Variants in PICALM observed in about 807,000 individuals in gnomAD.
PICALM encodes phosphatidylinositol binding clathrin assembly protein, also known as phosphatidylinositol-binding clathrin assembly protein.
In PICALM, 40 loss-of-function variants were observed where a neutral mutation model predicts 80.5. That is an observed-to-expected ratio of 0.50 (90% CI 0.39 to 0.65). The LOEUF is 0.65. PICALM is among the 30% of genes least tolerant of loss of function. The pLI is 0.00. For missense variants in PICALM, 676 were observed against 778.9 expected (o/e 0.87, Z 1.57); for synonymous variants, 288 against 260.3 (o/e 1.11, Z -1.02).
intron 3 of PICALM, among the ~76,000 whole-genome samples, chr11:86,025,022 A>C (rs796297295): frequency 1.3e-5 from 2 of 152,332 alleles, no homozygotes; most frequent in African/African-American, 4.8e-5. Context: ...CTAACAGCCT[A>C]GTTACAGAAC....
intron 1 of PICALM, among the ~76,000 whole-genome samples, chr11:86,039,960 C>G (rs769178933): frequency 7.0e-6 from 1 of 143,426 alleles, no homozygotes; most frequent in African/African-American, 2.6e-5. Context: ...GCCGAGATCG[C>G]GCCATTGCAC....
At chr11:86,015,387 G>GT (rs1304370511) in intron 4 of PICALM, among the ~76,000 whole-genome samples, 8 of 152,256 alleles carry the variant, frequency 5.3e-5, no homozygotes, top group Non-Finnish European at 8.8e-5. Context: ...TAGGCCAAGA[G>GT]TTAACAAAGT....
At chr11:85,977,942 A>C (rs1281669014) in intron 17 of PICALM, 4 of 752,390 alleles carry the variant, frequency 5.3e-6, no homozygotes, top group African/African-American at 3.5e-5. Flanking sequence ...GATGCTAGGA[A>C]GAATTTCTGG....
chr11:85,963,221 A>G (rs2093748862), intron 19 of PICALM, among the ~76,000 whole-genome samples: 2 of 152,228 alleles, frequency 1.3e-5, no homozygotes. Context: ...TTTCACATAA[A>G]GCTATTCACA....
At chr11:86,004,340 T>C (rs2095229829) in intron 8 of PICALM, among the ~76,000 whole-genome samples, 2 of 152,312 alleles carry the variant, frequency 1.3e-5, no homozygotes, top group Middle Eastern at 3.4e-3. Flanking sequence ...ATTACGCTTA[T>C]ATTAAGAACC....
At chr11:85,984,703 C>G (rs1031861003) in intron 13 of PICALM, among the ~76,000 whole-genome samples, 1 of 152,088 alleles carries the variant, frequency 6.6e-6, no homozygotes, top group African/African-American at 2.4e-5. Flanking sequence ...ATTAACAGAC[C>G]TTATTCTTTC....
At chr11:86,059,959 T>C (rs1310472382) in intron 1 of PICALM, among the ~76,000 whole-genome samples, 1 of 152,170 alleles carries the variant, frequency 6.6e-6, no homozygotes, top group Non-Finnish European at 1.5e-5. Context: ...TAAATATTAT[T>C]GTTAAGACTT....
intron 1 of PICALM, among the ~76,000 whole-genome samples, chr11:86,042,403 T>C (rs1282350268): frequency 6.6e-6 from 1 of 152,100 alleles, no homozygotes; most frequent in Non-Finnish European, 1.5e-5. Flanking sequence ...AATTAAAAAT[T>C]TTATTTAAAC....
chr11:85,989,979 G>C (rs998941250), intron 13 of PICALM, among the ~76,000 whole-genome samples: 3 of 119,518 alleles, frequency 2.5e-5, no homozygotes, highest in African/African-American at 9.8e-5. Flanking sequence ...CTAGAGTATT[G>C]CACTATAACA....
intron 4 of PICALM, among the ~76,000 whole-genome samples, chr11:86,015,584 T>C (rs1216570772): frequency 2.0e-5 from 3 of 152,228 alleles, no homozygotes; most frequent in Admixed American, 1.3e-4. Flanking sequence ...CTGTTAAATA[T>C]TTCCAAACAG....
At chr11:86,068,590 G>A (rs2096481523) in intron 1 of PICALM, 61 bp downstream of exon 1, 17 of 1,512,912 alleles carry the variant, frequency 1.1e-5, no homozygotes, top group South Asian at 2.4e-5. Context: ...GAGAGAGAGA[G>A]AAGGACGCGC....
At chr11:85,982,036 T>A in intron 14 of PICALM, 33 bp from the exon 15 acceptor site, 2 of 1,603,828 alleles carry the variant, frequency 1.2e-6, no homozygotes, top group Non-Finnish European at 1.7e-6. Flanking sequence ...ATAGAATTTG[T>A]AAGGAACTTT....
In PICALM at chr11:85,974,871, T is replaced by A; in HGVS notation, c.1840-59A>T. ...TCCTATCTTCCTTATTGTGACTAAG[T>A]AAATAACAATGACAACAGGGATGAC... On this transcript the variant is annotated intron_variant, in intron 18 of 19. Coordinates refer to ENST00000393346, the MANE Select transcript of PICALM (RefSeq NM_007166.4). 2 of 1,146,476 alleles carry A rather than the reference T, an allele frequency of 1.7e-6. No homozygotes were observed. Among genetic ancestry groups the A allele is most frequent in the East Asian group, 2.3e-5 (1 of 42,692 alleles). 71.0% of individuals were successfully genotyped at this position (1,146,476 alleles called of 1,614,324 possible).
At chr11:86,033,696 C>A (rs1344222539) in intron 1 of PICALM, among the ~76,000 whole-genome samples, 1 of 152,152 alleles carries the variant, frequency 6.6e-6, no homozygotes, top group Non-Finnish European at 1.5e-5. Context: ...GTCTTTCTCT[C>A]TCAATTAAAA....
intron 2 of PICALM, among the ~76,000 whole-genome samples, chr11:86,026,717 A>T (rs78101049): frequency 0.049 from 7,472 of 152,270 alleles, 297 homozygotes; most frequent in African/African-American, 0.12. Context: ...CTGGTAAACC[A>T]AAGTTTTGGC....
intron 2 of PICALM, among the ~76,000 whole-genome samples, chr11:86,026,931 T>C (rs1429384903): frequency 6.6e-6 from 1 of 152,192 alleles, no homozygotes; most frequent in Non-Finnish European, 1.5e-5. Flanking sequence ...TACGTTACTT[T>C]CACACAGGTT....
intron 12 of PICALM, among the ~76,000 whole-genome samples, chr11:85,992,870 T>C (rs1351909593): frequency 2.0e-5 from 3 of 152,138 alleles, no homozygotes; most frequent in Admixed American, 1.3e-4. Context: ...AGAAGAATAT[T>C]CAGAAATATT....
intron 1 of PICALM, among the ~76,000 whole-genome samples, chr11:86,044,653 G>A (rs761896379): frequency 6.6e-6 from 1 of 152,176 alleles, no homozygotes. Context: ...CAACCCCCAG[G>A]CCGTGGACCA....
intron 1 of PICALM, among the ~76,000 whole-genome samples, chr11:86,062,378 C>T (rs1172179789): frequency 3.9e-5 from 6 of 151,960 alleles, no homozygotes; most frequent in Admixed American, 1.3e-4. Context: ...TTTAGCTGGG[C>T]GTGGTGGTGG....
Sources: allele counts gnomAD v4.1 joint callset (sites outside exome capture counted in the v4.1 genomes callset), GRCh38; gene constraint gnomAD v4.1.1; transcripts MANE v1.5; gene names NCBI Gene and HGNC (gene_info 2026-07-23, HGNC 2026-07-21).